MACROD2: variants seen among roughly 807,000 people sequenced by gnomAD.
The protein encoded by MACROD2 is mono-ADP ribosylhydrolase 2.
In MACROD2, 36 loss-of-function variants were observed where a neutral mutation model predicts 70.4. The observed-to-expected ratio is 0.51, with a 90% CI of 0.39 to 0.68. The LOEUF (loss-of-function observed/expected upper bound fraction) is 0.68, where lower values mean the gene tolerates loss of function less well. Among genes scored for constraint, MACROD2 ranks in the 30% least tolerant of loss-of-function variants. The pLI is 0.00. For missense variants in MACROD2, 496 were observed against 538.4 expected, an observed-to-expected ratio of 0.92 and a Z score of 0.78; for synonymous variants, 172 against 178.8, an observed-to-expected ratio of 0.96 and a Z score of 0.30.
chr20:15,551,949 C>T (rs2048104961), intron 8 of MACROD2, among the ~76,000 whole-genome samples: 1 of 151,260 alleles, frequency 6.6e-6, no homozygotes, highest in African/African-American at 2.4e-5. Flanking sequence ...ATTATATAAG[C>T]ACTTATTACT....
intron 6 of MACROD2, among the ~76,000 whole-genome samples, chr20:15,264,609 T>C (rs1194254717): frequency 6.6e-6 from 1 of 152,128 alleles, no homozygotes; most frequent in Non-Finnish European, 1.5e-5. Flanking sequence ...GGAACCACAC[T>C]GCAGACAAAG....
intron 6 of MACROD2, among the ~76,000 whole-genome samples, chr20:15,329,474 A>C (rs2077968104): frequency 6.6e-6 from 1 of 152,086 alleles, no homozygotes; most frequent in East Asian, 1.9e-4. Flanking sequence ...GCAGTGGCTC[A>C]TGTCTGTAAT....
At chr20:15,328,538 G>T (rs1159175637) in intron 6 of MACROD2, among the ~76,000 whole-genome samples, 1 of 152,026 alleles carries the variant, frequency 6.6e-6, no homozygotes, top group Non-Finnish European at 1.5e-5. Flanking sequence ...ACCTAGAATT[G>T]TCCCCATAAA....
intron 5 of MACROD2, among the ~76,000 whole-genome samples, chr20:15,041,440 T>TTTAA (rs2075355735): frequency 6.6e-6 from 1 of 151,264 alleles, no homozygotes; most frequent in Admixed American, 6.6e-5. Context: ...AATTAATTTC[T>TTTAA]CTCTCTCTCT....
Position 15,322,329 on chromosome 20 carries a change from G to A in MACROD2, c.540+92268G>A, listed in dbSNP as rs1384691129. ...ATTGTAGAGAATGCCTGGGTGGGAC[G>A]GGGATATTTACCATGCACTCACTAT... is the stretch of plus-strand genomic sequence containing the variant. On this transcript the variant is annotated intron_variant, in intron 6 of 17. Transcript: ENST00000684519. Among the ~76,000 whole-genome samples the A allele has an allele frequency of 1.4e-5, 2 of 143,510 alleles. 1 individual carries two copies. Among genetic ancestry groups the A allele is most frequent in the Non-Finnish European group, 3.1e-5 (2 of 63,588 alleles). 94.1% of individuals were successfully genotyped at this position (143,510 alleles called of 152,430 possible).
At chr20:15,854,421 G>A (rs1038654261) in intron 8 of MACROD2, among the ~76,000 whole-genome samples, 1 of 152,078 alleles carries the variant, frequency 6.6e-6, no homozygotes, top group African/African-American at 2.4e-5. Context: ...CAACTGCAAG[G>A]GATCAAATTC....
At chr20:14,318,322 T>G (rs1359986299) in intron 3 of MACROD2, among the ~76,000 whole-genome samples, 2 of 152,102 alleles carry the variant, frequency 1.3e-5, no homozygotes, top group Non-Finnish European at 2.9e-5. Flanking sequence ...ATCCCCAACT[T>G]CCACACCCCC....
chr20:15,734,078 G>C (rs951093002), intron 8 of MACROD2, among the ~76,000 whole-genome samples: 1 of 152,176 alleles, frequency 6.6e-6, no homozygotes. Flanking sequence ...AAGGGAGAGG[G>C]GGCAGGAATA....
chr20:14,355,534 A>G (rs1250480074), intron 3 of MACROD2, among the ~76,000 whole-genome samples: 1 of 152,020 alleles, frequency 6.6e-6, no homozygotes, highest in Non-Finnish European at 1.5e-5. Context: ...ATCAAGTTTT[A>G]TCTATGGAGA....
At chr20:14,814,092 T>C (rs2072746302) in intron 5 of MACROD2, among the ~76,000 whole-genome samples, 1 of 152,106 alleles carries the variant, frequency 6.6e-6, no homozygotes, top group Admixed American at 6.5e-5. Context: ...TTAGTATACA[T>C]CACAATATCA....
intron 5 of MACROD2, among the ~76,000 whole-genome samples, chr20:14,785,470 G>A (rs2072357466): frequency 6.6e-6 from 1 of 151,796 alleles, no homozygotes; most frequent in Non-Finnish European, 1.5e-5. Flanking sequence ...TTTGAGGGAA[G>A]GGGAGAGGGC....
intron 2 of MACROD2, among the ~76,000 whole-genome samples, chr20:14,066,547 A>C (rs1409753446): frequency 6.6e-6 from 1 of 152,214 alleles, no homozygotes; most frequent in East Asian, 1.9e-4. Context: ...AAAATTTCAA[A>C]ATTTTACCCA....
chr20:14,322,126 T>C (rs778040588), intron 3 of MACROD2, among the ~76,000 whole-genome samples: 45 of 142,318 alleles, frequency 3.2e-4, no homozygotes, highest in Non-Finnish European at 6.1e-4. Context: ...GTATGTATAA[T>C]TATTGAGTGC....
chr20:15,346,346 C>T (rs971314211), intron 6 of MACROD2, among the ~76,000 whole-genome samples: 2 of 152,060 alleles, frequency 1.3e-5, no homozygotes, highest in African/African-American at 2.4e-5. Context: ...GAAATTGTGA[C>T]GGGGTGGATT....
At chr20:14,889,726 T>A (rs1675007278) in intron 5 of MACROD2, among the ~76,000 whole-genome samples, 1 of 152,132 alleles carries the variant, frequency 6.6e-6, no homozygotes, top group African/African-American at 2.4e-5. Context: ...GAAAGGGCTA[T>A]GGGCAGATTA....
At chr20:14,494,898 G>A (rs755755018) in intron 4 of MACROD2, among the ~76,000 whole-genome samples, 10 of 152,038 alleles carry the variant, frequency 6.6e-5, no homozygotes, top group Non-Finnish European at 1.3e-4. Context: ...ACATGATTAA[G>A]TTAAATTGTC....
chr20:14,251,123 G>T (rs1313892503), intron 3 of MACROD2, among the ~76,000 whole-genome samples: 1 of 152,036 alleles, frequency 6.6e-6, no homozygotes, highest in African/African-American at 2.4e-5. Flanking sequence ...TGTGTTTGAG[G>T]ACCTATGTAC....
chr20:15,618,071 T>G (rs1369381158), intron 8 of MACROD2, among the ~76,000 whole-genome samples: 1 of 150,052 alleles, frequency 6.7e-6, no homozygotes, highest in Non-Finnish European at 1.5e-5. Flanking sequence ...AGTTCTCTGA[T>G]GTCTCTAGAA....
chr20:15,804,157 G>A (rs1159885687), intron 8 of MACROD2, among the ~76,000 whole-genome samples: 1 of 152,166 alleles, frequency 6.6e-6, no homozygotes, highest in Non-Finnish European at 1.5e-5. Context: ...TATTCCATCA[G>A]ATCAGGCCCT....
Sources: allele counts gnomAD v4.1 joint callset (sites outside exome capture counted in the v4.1 genomes callset), GRCh38; gene constraint gnomAD v4.1.1; transcripts MANE v1.5; gene names NCBI Gene and HGNC (gene_info 2026-07-23, HGNC 2026-07-21).